Variants in PTDSS2 observed in about 807,000 individuals in gnomAD.
The protein encoded by PTDSS2 is phosphatidylserine synthase 2, also known as PSS-2.
Under a neutral mutation model 64.7 loss-of-function variants are expected in PTDSS2, and 41 were observed. The observed-to-expected ratio is 0.63, with a 90% CI of 0.49 to 0.82. The LOEUF (loss-of-function observed/expected upper bound fraction) is 0.82. PTDSS2 is among the 40% of genes least tolerant of loss of function. PTDSS2 has a pLI of 0.00. For synonymous variants in PTDSS2, 297 were observed against 277.8 expected, an observed-to-expected ratio of 1.07 and a Z score of -0.69; for missense variants, 485 against 650.0, an observed-to-expected ratio of 0.75 and a Z score of 2.76.
chr11:461,385 G>C lies in PTDSS2; in HGVS notation c.284+1097G>C, dbSNP rs757427961. ...AGGGGAGCGGATGCTTTAGAATCACGCACAGCAGACCTCATAACTGAGTCC... is the reference window on the plus strand; with the variant it reads ...AGGGGAGCGGATGCTTTAGAATCACCCACAGCAGACCTCATAACTGAGTCC... On this transcript the variant is annotated intron_variant, in intron 2 of 11. Coordinates refer to ENST00000308020, the MANE Select transcript of PTDSS2 (RefSeq NM_030783.3). The surrounding 1 kb of genome is among the most constrained non-coding windows in gnomAD (Gnocchi z 4.2). Among the ~76,000 whole-genome samples the C allele has an allele frequency of 6.6e-6, 1 of 152,138 alleles. No individual in the cohort carries two copies. Among genetic ancestry groups the C allele is most frequent in the African/African-American group, 2.4e-5 (1 of 41,436 alleles).
rs187736089 is a variant in PTDSS2 at position 460,402 on chromosome 11, C to T, written c.284+114C>T. On this transcript the variant is annotated intron_variant, in intron 2 of 11. Coordinates refer to ENST00000308020, the MANE Select transcript of PTDSS2 (RefSeq NM_030783.3). The surrounding 1 kb of genome is among the most constrained non-coding windows in gnomAD (Gnocchi z 5.8). ...TCAGAAGGCCTTCACCAGAGGGCTG[C>T]GTGGGGCCGCCGGCCTCTCCCTTGA... The T allele has an allele frequency of 2.4e-4, 188 of 789,910 alleles. 1 individual carries two copies. The East Asian group carries it at 3.2e-3, about 13-fold the overall frequency. The allele number at this position is 789,910 out of a possible 1,614,324, so 48.9% of individuals were successfully genotyped here.
intron 6 of PTDSS2, 30 bp from the exon 7 acceptor site, chr11:488,169 C>G (rs1384393652): frequency 6.5e-7 from 1 of 1,533,464 alleles, no homozygotes; most frequent in East Asian, 2.3e-5. Context: ...GGCCGGCGTC[C>G]CATACTCTGG....
upstream of PTDSS2, among the ~76,000 whole-genome samples, chr11:448,907 A>G (rs997170861): frequency 6.6e-6 from 1 of 152,178 alleles, no homozygotes; most frequent in African/African-American, 2.4e-5. Flanking sequence ...TCGCCCCGAA[A>G]GAAACCTGCT....
At chr11:466,401 CTTT>C (rs1226254389) in intron 2 of PTDSS2, among the ~76,000 whole-genome samples, 7 of 120,788 alleles carry the variant, frequency 5.8e-5, no homozygotes, top group African/African-American at 9.4e-5. Flanking sequence ...AACTGCCACT[CTTT>C]TTTTTTTTTT....
intron 4 of PTDSS2, among the ~76,000 whole-genome samples, chr11:481,155 C>T (rs773187061): frequency 2.6e-5 from 4 of 152,040 alleles, no homozygotes; most frequent in Non-Finnish European, 5.9e-5. Context: ...AGCCACCACG[C>T]GCGGCCTGGG....
chr11:473,003 C>T (rs1847549242), intron 2 of PTDSS2, among the ~76,000 whole-genome samples: 3 of 152,310 alleles, frequency 2.0e-5, no homozygotes, highest in South Asian at 4.2e-4. Flanking sequence ...TGGGTGCATC[C>T]GAGCGTCTGC....
Position 452,123 on chromosome 11 carries a change from G to A in PTDSS2, c.182+1486G>A, listed in dbSNP as rs1037955629. 1.5e-4 allele frequency among the ~76,000 whole-genome samples: 23 copies of A among 151,904 alleles called. No individual in the cohort carries two copies. The East Asian group carries it at 3.7e-3, about 24-fold the overall frequency. ...AGGTCCCGGAGCAAGAAGACCAGAC[G>A]GGCTCCTCTGACATCCCGGAGCAAG... On this transcript the variant is annotated intron_variant, in intron 1 of 11. Coordinates refer to ENST00000308020, the MANE Select transcript of PTDSS2 (RefSeq NM_030783.3).
At position 450,304 on chromosome 11, in the gene PTDSS2, G is replaced by A. The variant is rs559965889; in HGVS notation, c.-152G>A. 1.4e-4 allele frequency: 80 copies of A among 552,024 alleles called. No homozygotes were observed. The East Asian group carries it at 3.0e-3, about 21-fold the overall frequency. 34.2% of individuals were successfully genotyped at this position (552,024 alleles called of 1,614,324 possible). A position where few individuals can be genotyped will look rare whatever the true frequency, so the allele number is the denominator to read the frequency against. ...ACAATGCACCGCACACCCTTTACTG[G>A]CCGGCCCCGCGCTGCTCTCCTAAGA... is the stretch of plus-strand genomic sequence containing the variant. On this transcript the variant is annotated 5_prime_UTR_variant, in exon 1 of 12. Transcript: ENST00000308020.
At chr11:473,836 C>G in intron 2 of PTDSS2, 59 bp from the exon 3 acceptor site, 10 of 1,340,430 alleles carry the variant, frequency 7.5e-6, no homozygotes, top group Non-Finnish European at 1.1e-5. Context: ...TGCAGCCTCC[C>G]ACCTCCCTCC....
rs754634776 is a variant in PTDSS2, at chr11:476,747, C to T, written c.368-2338C>T. Among the ~76,000 whole-genome samples, 1 of 152,176 alleles carries T rather than the reference C, an allele frequency of 6.6e-6. No homozygotes were observed. On this transcript the variant is annotated intron_variant, in intron 3 of 11. Transcript: ENST00000308020. This position sits in a 1 kb window ranked among gnomAD's most constrained non-coding sequence, Gnocchi z 4.9. ...CCGCGGCGTCTCTTGAGTTGTGGCT[C>T]GTCCCCTCCCACTGGGCAGGACTGG...
chr11:489,390 T>C lies in PTDSS2; in HGVS notation c.855-10T>C, dbSNP rs1848559252. 6.2e-7 allele frequency: 1 copy of C among 1,610,768 alleles called. No homozygotes were observed. Among genetic ancestry groups the C allele is most frequent in the Non-Finnish European group, 8.5e-7 (1 of 1,178,338 alleles). ...TGCCTTCCTCAGGCTGCCGGCTCTGTGGTTCCCAGGGGCAAGATGAAGAGG... is the reference window on the plus strand; with the variant it reads ...TGCCTTCCTCAGGCTGCCGGCTCTGCGGTTCCCAGGGGCAAGATGAAGAGG... On this transcript the variant is annotated splice_polypyrimidine_tract_variant and intron_variant, in intron 8 of 11. Coordinates refer to ENST00000308020, the MANE Select transcript of PTDSS2 (RefSeq NM_030783.3).
At chr11:456,836 C>T (rs1846618562) in intron 1 of PTDSS2, among the ~76,000 whole-genome samples, 1 of 152,160 alleles carries the variant, frequency 6.6e-6, no homozygotes, top group African/African-American at 2.4e-5. Context: ...CTGAGGTTCC[C>T]TGCGGTTTCC....
Position 486,849 on chromosome 11 carries a change from A to T in PTDSS2, c.436-90A>T. On this transcript the variant is annotated intron_variant, in intron 4 of 11. Coordinates refer to ENST00000308020, the MANE Select transcript of PTDSS2 (RefSeq NM_030783.3). Reference sequence around the variant, plus strand: ...GGCGACAGAGCGAGACTCCATCTCAAAAAAATAAAATAAATAAACAACCAT... The same window carrying T: ...GGCGACAGAGCGAGACTCCATCTCATAAAAATAAAATAAATAAACAACCAT... 2.0e-6 allele frequency: 3 copies of T among 1,475,418 alleles called. No homozygotes were observed. The South Asian group carries it at 4.3e-5, about 21-fold the overall frequency. 91.4% of individuals were successfully genotyped at this position (1,475,418 alleles called of 1,614,324 possible).
At chr11:458,789 A>G (rs1016503192) in intron 1 of PTDSS2, 3 of 152,204 alleles carry the variant, frequency 2.0e-5, no homozygotes, top group African/African-American at 7.2e-5. Context: ...CGTGCAGCCT[A>G]CAAAGTTTTA....
chr11:486,284 C>T (rs1451584991), intron 4 of PTDSS2, among the ~76,000 whole-genome samples: 2 of 151,908 alleles, frequency 1.3e-5, no homozygotes, highest in African/African-American at 4.8e-5. Flanking sequence ...CCTGAGCGCG[C>T]ATGCGGGGAG....
intron 4 of PTDSS2, among the ~76,000 whole-genome samples, chr11:484,767 G>A (rs1419583613): frequency 1.4e-5 from 2 of 143,740 alleles, no homozygotes; most frequent in African/African-American, 5.3e-5. Flanking sequence ...GTAAGTGCAC[G>A]GGTGTGTGTG....
chr11:490,677 C>A lies in PTDSS2; in HGVS notation c.*95C>A. 1 of 1,343,320 alleles carries A rather than the reference C, an allele frequency of 7.4e-7. No individual in the cohort carries two copies. Among genetic ancestry groups the A allele is most frequent in the Non-Finnish European group, 1.0e-6 (1 of 1,002,300 alleles). 83.2% of individuals were successfully genotyped at this position (1,343,320 alleles called of 1,614,324 possible). ...ACCAGGAGCCACGTGCCCGGCCTTGCCCTCAAGGTTTTTTGCTTTTCTCCT... is the reference window on the plus strand; with the variant it reads ...ACCAGGAGCCACGTGCCCGGCCTTGACCTCAAGGTTTTTTGCTTTTCTCCT... On this transcript the variant is annotated 3_prime_UTR_variant, in exon 12 of 12. Coordinates refer to ENST00000308020, the MANE Select transcript of PTDSS2 (RefSeq NM_030783.3).
chr11:486,919 C>CG lies in PTDSS2; in HGVS notation c.436-15dup. ...CCACCACTAACTGTAGCCCCGCTGACGGGGGCACTGGCCTTGCAGACTGTC... is the reference window on the plus strand; with the variant it reads ...CCACCACTAACTGTAGCCCCGCTGACGGGGGGCACTGGCCTTGCAGACTGTC... On this transcript the variant is annotated intron_variant, in intron 4 of 11. Transcript: ENST00000308020. 1.3e-6 allele frequency: 2 copies of CG among 1,595,926 alleles called. No homozygotes were observed. The highest frequency in any genetic ancestry group is 1.7e-6 in the Non-Finnish European group (2 of 1,170,648).
At position 470,828 on chromosome 11, in the gene PTDSS2, TC is replaced by T. The variant is rs1847393119; in HGVS notation, c.285-3065del. ...TGGTCTCGAACTCCTGACCTTGTGA[TC>T]CGCCTGCCTCAGCCTCCCAAAGTGC... On this transcript the variant is annotated intron_variant, in intron 2 of 11. Transcript: ENST00000308020. The surrounding 1 kb of genome is among the most constrained non-coding windows in gnomAD (Gnocchi z 5.3). Among the ~76,000 whole-genome samples, 1 of 151,974 alleles carries T rather than the reference TC, an allele frequency of 6.6e-6. No individual in the cohort carries two copies. Among genetic ancestry groups the T allele is most frequent in the African/African-American group, 2.4e-5 (1 of 41,346 alleles).
Sources: allele counts gnomAD v4.1 joint callset (sites outside exome capture counted in the v4.1 genomes callset), GRCh38; gene constraint gnomAD v4.1.1; non-coding constraint Gnocchi (gnomAD v3.1); transcripts MANE v1.5; gene names NCBI Gene and HGNC (gene_info 2026-07-23, HGNC 2026-07-21).